COL27A1: variants seen among roughly 807,000 people sequenced by gnomAD.
COL27A1 encodes the protein collagen alpha-1(XXVII) chain.
Under a neutral mutation model 251.3 loss-of-function variants are expected in COL27A1, and 106 were observed. The ratio of observed to expected loss-of-function variants is 0.42; its 90% CI spans 0.36 to 0.50. COL27A1 has a LOEUF of 0.50. Among genes scored for constraint, COL27A1 ranks in the 20% least tolerant of loss-of-function variants. The pLI is 0.00. For missense variants in COL27A1, 2,325 were observed against 2,522.8 expected, an observed-to-expected ratio of 0.92 and a Z score of 1.68; for synonymous variants, 1,000 against 986.3, an observed-to-expected ratio of 1.01 and a Z score of -0.26.
chr9:114,171,316 C>T (rs942779260), intron 3 of COL27A1, among the ~76,000 whole-genome samples: 1 of 152,178 alleles, frequency 6.6e-6, no homozygotes, highest in African/African-American at 2.4e-5. Flanking sequence ...ACATTCCAGA[C>T]TGTAGCCTCC....
intron 19 of COL27A1, 91 bp from the exon 20 acceptor site, chr9:114,240,129 T>A (rs954206158): frequency 8.4e-7 from 1 of 1,186,366 alleles, no homozygotes; most frequent in Non-Finnish European, 1.3e-6. Flanking sequence ...CAGGATGAGA[T>A]GGAAACCCGG....
In COL27A1 at chr9:114,290,061, C is replaced by G; in HGVS notation, c.4210C>G (p.Pro1404Ala). Reference sequence around the variant, plus strand: ...CATGTGGCCCTTGATTTTTCAGGGACCAAAGGGAAAGCAAGGCAAGGCAGG... The same window carrying G: ...CATGTGGCCCTTGATTTTTCAGGGAGCAAAGGGAAAGCAAGGCAAGGCAGG... ...GPKGSKGAEG[P>A]KGKQGKAGAP... Residue 1404 changes from proline to alanine, a missense_variant, in exon 46 of 61, where the codon CCA becomes GCA. Pro to Ala is a conservative substitution (Grantham distance 27, BLOSUM62 -1). Around this residue, in one of 4 missense-constraint regions of COL27A1, gnomAD observed 662 missense variants for 795.3 expected, o/e 0.83. Transcript: ENST00000356083. The surrounding 1 kb of genome is among the most constrained non-coding windows in gnomAD (Gnocchi z 4.6). 1 of 1,611,820 alleles carries G rather than the reference C, an allele frequency of 6.2e-7. No individual in the cohort carries two copies. Among genetic ancestry groups the G allele is most frequent in the Non-Finnish European group, 8.5e-7 (1 of 1,179,996 alleles).
chr9:114,255,837 A>G (rs771927007), intron 27 of COL27A1, among the ~76,000 whole-genome samples: 1 of 152,108 alleles, frequency 6.6e-6, no homozygotes, highest in Non-Finnish European at 1.5e-5. Context: ...AATCAGATAC[A>G]TGGGGGTGAA....
chr9:114,175,186 G>T (rs59005455), intron 3 of COL27A1, among the ~76,000 whole-genome samples: 1 of 152,270 alleles, frequency 6.6e-6, no homozygotes, highest in Admixed American at 6.5e-5. Context: ...CTCTGTTTGC[G>T]TACGCCTGGA....
At chr9:114,182,676 G>A (rs145726446) in intron 4 of COL27A1, among the ~76,000 whole-genome samples, 8 of 152,284 alleles carry the variant, frequency 5.3e-5, no homozygotes, top group Admixed American at 3.9e-4. Flanking sequence ...CTTGTGCTCC[G>A]AGGTCAAGGT....
chr9:114,163,166 G>A (rs1848612814), intron 2 of COL27A1, among the ~76,000 whole-genome samples: 1 of 152,108 alleles, frequency 6.6e-6, no homozygotes, highest in Non-Finnish European at 1.5e-5. Flanking sequence ...CCCAGGAGGC[G>A]GAGGTTGCAG....
At chr9:114,233,784 G>A (rs1336339199) in intron 16 of COL27A1, among the ~76,000 whole-genome samples, 2 of 152,198 alleles carry the variant, frequency 1.3e-5, no homozygotes, top group African/African-American at 4.8e-5. Flanking sequence ...AGAAAAAGGA[G>A]GAGGAAATTA....
At chr9:114,289,186 C>T in intron 44 of COL27A1, 56 bp from the exon 45 acceptor site, 1 of 1,524,122 alleles carries the variant, frequency 6.6e-7, no homozygotes, top group Non-Finnish European at 8.9e-7. Context: ...AGACTGGCCA[C>T]CCTCCCCGGG....
chr9:114,265,344 A>G, intron 31 of COL27A1, 78 bp from the exon 32 acceptor site: 2 of 1,471,566 alleles, frequency 1.4e-6, no homozygotes, highest in Middle Eastern at 3.5e-4. Context: ...CAAATACACT[A>G]GGATGGCTTG....
chr9:114,187,040 C>T (rs1828399601), intron 5 of COL27A1, among the ~76,000 whole-genome samples: 1 of 152,208 alleles, frequency 6.6e-6, no homozygotes. Context: ...ACTTGGTCTG[C>T]AGTGAACTAG....
chr9:114,155,714 G>A lies in COL27A1; in HGVS notation c.-237G>A, dbSNP rs1292524956. On this transcript the variant is annotated 5_prime_UTR_variant, in exon 1 of 61. Transcript: ENST00000356083. This position sits in a 1 kb window ranked among gnomAD's most constrained non-coding sequence, Gnocchi z 5.5. ...TTTTTGGTGGAAGCAGAAAAGGACC[G>A]AGGCAGGGGCGAGCGCGGCGCCCGG... 1 of 151,940 alleles carries A rather than the reference G, an allele frequency of 6.6e-6. No homozygotes were observed. Among genetic ancestry groups the A allele is most frequent in the Non-Finnish European group, 1.5e-5 (1 of 68,228 alleles). The allele number at this position is 151,940 out of a possible 1,614,324, so 9.4% of individuals were successfully genotyped here.
intron 49 of COL27A1, among the ~76,000 whole-genome samples, chr9:114,293,942 A>C (rs914726186): frequency 6.6e-6 from 1 of 152,170 alleles, no homozygotes; most frequent in Non-Finnish European, 1.5e-5. Flanking sequence ...AAACATTTAC[A>C]AAAGAAATAA....
At chr9:114,231,562 T>C (rs1831954486) in intron 15 of COL27A1, among the ~76,000 whole-genome samples, 1 of 152,180 alleles carries the variant, frequency 6.6e-6, no homozygotes, top group African/African-American at 2.4e-5. Context: ...GTGACACGGC[T>C]CATTAAGCCC....
chr9:114,300,066 G>T lies in COL27A1; in HGVS notation c.4585-4G>T, dbSNP rs1828512378. ...CGCTCCATCACTTCCTGTTCTTCCTGCAGGGCGACTCTGGCGAGATGGGCT... is the reference window on the plus strand; with the variant it reads ...CGCTCCATCACTTCCTGTTCTTCCTTCAGGGCGACTCTGGCGAGATGGGCT... On this transcript the variant is annotated splice_region_variant and splice_polypyrimidine_tract_variant and intron_variant, in intron 49 of 60. Transcript: ENST00000356083. 1 of 1,614,042 alleles carries T rather than the reference G, an allele frequency of 6.2e-7. No individual in the cohort carries two copies. The highest frequency in any genetic ancestry group is 8.5e-7 in the Non-Finnish European group (1 of 1,180,020).
In COL27A1 at chr9:114,166,829, G is replaced by C. The variant is rs369714187; in HGVS notation, c.134-860G>C. ...CTGCTGACATAATTATTGGGCGGAT[G>C]TGACCTGGCCAGACCACAGTCAGAT... On this transcript the variant is annotated intron_variant, in intron 2 of 60. Coordinates refer to ENST00000356083, the MANE Select transcript of COL27A1 (RefSeq NM_032888.4). Among the ~76,000 whole-genome samples, 7 of 152,358 alleles carry C rather than the reference G, an allele frequency of 4.6e-5. No homozygotes were observed. The South Asian group carries it at 1.4e-3, about 32-fold the overall frequency.
At chr9:114,308,371 C>T (rs564838245) in intron 59 of COL27A1, among the ~76,000 whole-genome samples, 27 of 152,312 alleles carry the variant, frequency 1.8e-4, no homozygotes, top group East Asian at 3.9e-4. Context: ...GAAGCTGCTC[C>T]GACTGCGGGG....
chr9:114,192,342 C>T (rs1828803641), intron 5 of COL27A1, among the ~76,000 whole-genome samples: 1 of 152,096 alleles, frequency 6.6e-6, no homozygotes, highest in East Asian at 1.9e-4. Flanking sequence ...CCTCGGTAGC[C>T]CTAGGTCTGG....
chr9:114,307,462 C>T (rs958931041), intron 58 of COL27A1: 1 of 569,380 alleles, frequency 1.8e-6, no homozygotes, highest in African/African-American at 1.9e-5. Flanking sequence ...CCATGTGACC[C>T]CTCCTCTGGG....
chr9:114,168,191 T>C lies in COL27A1; in HGVS notation c.636T>C (p.Ala212=), dbSNP rs766546940. 4 of 1,613,742 alleles carry C rather than the reference T, an allele frequency of 2.5e-6. No individual in the cohort carries two copies. In the East Asian group the frequency reaches 6.7e-5, roughly 27 times the overall value. Residue 212 remains alanine (A), a synonymous_variant, in exon 3 of 61, where the codon GCT becomes GCC. Coordinates refer to ENST00000356083, the MANE Select transcript of COL27A1 (RefSeq NM_032888.4). ...MNPHAVQFEG[A]LCQFSIYPVT... ...CGCATGCAGTCCAGTTTGAAGGTGC[T>C]CTCTGCCAGTTCAGTATCTACCCTG...
Sources: allele counts gnomAD v4.1 joint callset (sites outside exome capture counted in the v4.1 genomes callset), GRCh38; gene constraint gnomAD v4.1.1; regional missense constraint gnomAD v4.1.1; non-coding constraint Gnocchi (gnomAD v3.1); transcripts MANE v1.5; gene names NCBI Gene and HGNC (gene_info 2026-07-23, HGNC 2026-07-21).